HTT: variants seen among roughly 807,000 people sequenced by gnomAD.
The protein encoded by HTT is huntingtin, also known as huntington disease protein.
A neutral mutation model predicts 362.3 loss-of-function variants in HTT; 104 were observed. The observed-to-expected ratio is 0.29, with a 90% confidence interval of 0.24 to 0.34. The LOEUF (loss-of-function observed/expected upper bound fraction) is 0.34, where lower values mean the gene tolerates loss of function less well. Among genes scored for constraint, HTT ranks in the 10% least tolerant of loss-of-function variants. The probability of loss-of-function intolerance (pLI) is 1.00; values close to 1 mark genes in which losing one functional copy is unlikely to be tolerated. For missense variants in HTT, 3,301 were observed against 3,928.6 expected (o/e 0.84, Z 4.27); for synonymous variants, 1,577 against 1,548.7 (o/e 1.02, Z -0.43).
At position 3,134,410 on chromosome 4, in the gene HTT, A is replaced by G. The variant is rs765575039; in HGVS notation, c.2503A>G (p.Met835Val). ...GGACCTTGTGTTCCAGAACTGTGTCATGAGTCTCTGCAGCAGCAGCTACAG... is the reference window on the plus strand; with the variant it reads ...GGACCTTGTGTTCCAGAACTGTGTCGTGAGTCTCTGCAGCAGCAGCTACAG... ...LACTAVRNCV[M>V]SLCSSSYSEL... The change falls in exon 19 of 67, where the codon ATG (methionine) becomes GTG (valine). Residue 835 changes from methionine to valine, a missense_variant. Physicochemically the swap from Met to Val is conservative, Grantham distance 21. This residue lies in a region of HTT where 2,316 missense variants were observed against 2,658.5 expected (regional missense o/e 0.87). Coordinates refer to ENST00000355072, the MANE Select transcript of HTT (RefSeq NM_001388492.1). 6 of 1,613,810 alleles carry G rather than the reference A, an allele frequency of 3.7e-6. No individual in the cohort carries two copies. Among genetic ancestry groups the G allele is most frequent in the Non-Finnish European group, 3.4e-6 (4 of 1,179,832 alleles).
chr4:3,174,621 G>A, intron 31 of HTT, 100 bp from the exon 32 acceptor site: 1 of 880,128 alleles, frequency 1.1e-6, no homozygotes, highest in South Asian at 1.5e-5. Context: ...TTCTGATCGT[G>A]TGAATGTGAA....
chr4:3,222,791 G>A (rs1444399231), intron 54 of HTT, among the ~76,000 whole-genome samples: 1 of 152,144 alleles, frequency 6.6e-6, no homozygotes, highest in Non-Finnish European at 1.5e-5. Context: ...GAGGAGTGTA[G>A]GTTGAATTAA....
intron 2 of HTT, among the ~76,000 whole-genome samples, chr4:3,092,725 G>C (rs1034534669): frequency 2.0e-5 from 3 of 152,182 alleles, no homozygotes; most frequent in Non-Finnish European, 4.4e-5. Context: ...TTAACAATGT[G>C]TTAAAAAATT....
intron 29 of HTT, among the ~76,000 whole-genome samples, chr4:3,170,146 A>T (rs780340197): frequency 6.6e-6 from 1 of 151,654 alleles, no homozygotes; most frequent in African/African-American, 2.4e-5. Context: ...TGTGAATTTT[A>T]CTTTGTTGGA....
intron 26 of HTT, among the ~76,000 whole-genome samples, chr4:3,151,734 T>C (rs918946512): frequency 2.6e-5 from 4 of 152,172 alleles, no homozygotes; most frequent in Admixed American, 1.3e-4. Flanking sequence ...GGAAAAATTG[T>C]CTTCCACAGA....
At position 3,148,053 on chromosome 4, in the gene HTT, C is replaced by G. The variant is rs1065747; in HGVS notation, c.3344C>G (p.Ala1115Gly). ...AGTTCATGGGCCTCTGAAGAAGAAG[C>G]CAACCCAGCAGCCACCAAGCAAGAG... Reference protein sequence around the residue: ...LRSSWASEEEANPAATKQEEV... With the variant: ...LRSSWASEEEGNPAATKQEEV... Residue 1115 changes from alanine (A) to glycine (G), a missense_variant, in exon 26 of 67, where the codon GCC becomes GGC. By Grantham distance (60) the Ala-to-Gly change is moderately conservative. Coordinates refer to ENST00000355072, the MANE Select transcript of HTT (RefSeq NM_001388492.1). The G allele has an allele frequency of 1.3e-3, 2,034 of 1,614,072 alleles. 3 individuals carry two copies. The highest frequency in any genetic ancestry group is 1.5e-3 in the Non-Finnish European group (1,778 of 1,179,976).
chr4:3,165,056 G>T (rs1717631484), intron 29 of HTT, among the ~76,000 whole-genome samples: 1 of 152,158 alleles, frequency 6.6e-6, no homozygotes, highest in Non-Finnish European at 1.5e-5. Context: ...GCAGTGGCTG[G>T]TACTGGTTGT....
At chr4:3,104,179 C>T (rs1447805865) in intron 4 of HTT, among the ~76,000 whole-genome samples, 1 of 152,020 alleles carries the variant, frequency 6.6e-6, no homozygotes, top group Non-Finnish European at 1.5e-5. Context: ...CTCACTGCAA[C>T]CTCCGCCTCC....
chr4:3,145,686 G>A (rs1441301077), intron 24 of HTT, among the ~76,000 whole-genome samples: 2 of 152,156 alleles, frequency 1.3e-5, no homozygotes, highest in African/African-American at 4.8e-5. Context: ...CTAGCATCTG[G>A]GAAATAATTT....
At chr4:3,210,588 G>A (rs563496787) in intron 47 of HTT, among the ~76,000 whole-genome samples, 8 of 149,384 alleles carry the variant, frequency 5.4e-5, no homozygotes, top group African/African-American at 2.0e-4. Context: ...TCCCTCACCC[G>A]TGGGCAGGTC....
chr4:3,088,338 C>T (rs1317578801), intron 2 of HTT, among the ~76,000 whole-genome samples: 1 of 151,974 alleles, frequency 6.6e-6, no homozygotes, highest in Non-Finnish European at 1.5e-5. Context: ...AGGTGCTCGC[C>T]ACCACACCCG....
intron 18 of HTT, among the ~76,000 whole-genome samples, chr4:3,133,941 G>C (rs1272944692): frequency 2.0e-5 from 3 of 152,118 alleles, no homozygotes; most frequent in Non-Finnish European, 4.4e-5. Context: ...GGGTGCTTGG[G>C]GCTGCAGGGG....
At chr4:3,171,790 T>G (rs925940410) in intron 29 of HTT, among the ~76,000 whole-genome samples, 2 of 152,252 alleles carry the variant, frequency 1.3e-5, no homozygotes, top group Non-Finnish European at 2.9e-5. Context: ...TCTTGATTCT[T>G]GAAAAGGACA....
Position 3,145,220 on chromosome 4 carries a change from G to T in HTT, c.3135G>T (p.Trp1045Cys), listed in dbSNP as rs2110202874. The T allele has an allele frequency of 3.1e-6, 5 of 1,608,730 alleles. No homozygotes were observed. The highest frequency in any genetic ancestry group is 4.3e-6 in the Non-Finnish European group (5 of 1,175,102). Residue 1045 changes from tryptophan to cysteine, a missense_variant, in exon 24 of 67, where the codon TGG (tryptophan) becomes TGT (cysteine). This residue lies in a region of HTT where 2,316 missense variants were observed against 2,658.5 expected (regional missense o/e 0.87). Coordinates refer to ENST00000355072, the MANE Select transcript of HTT (RefSeq NM_001388492.1). ...CAGTTTGCATTTGGAGTTTAGGTTG[G>T]CACTGTGGGTATGTATTTTCCTCAG... ...AFPVCIWSLG[W>C]HCGVPPLSAS...
At chr4:3,103,277 T>C (rs1714253286) in intron 3 of HTT, among the ~76,000 whole-genome samples, 1 of 139,664 alleles carries the variant, frequency 7.2e-6, no homozygotes, top group African/African-American at 2.7e-5. Context: ...CAGGCTGGAG[T>C]GCAATGGCGT....
chr4:3,116,172 A>T lies in HTT; in HGVS notation c.977A>T (p.Gln326Leu), dbSNP rs781707187. The T allele has an allele frequency of 1.2e-6, 2 of 1,613,892 alleles. No individual in the cohort carries two copies. Among genetic ancestry groups the T allele is most frequent in the Non-Finnish European group, 1.7e-6 (2 of 1,179,780 alleles). ...LTLRYLVPLL[Q>L]QQVKDTSLKG... ...CTGAGGTATTTGGTGCCCTTGCTGC[A>T]GCAGCAGGTCAAGGACACAAGCCTG... is the stretch of plus-strand genomic sequence containing the variant. Residue 326 changes from glutamine to leucine, a missense_variant, in exon 8 of 67, where the codon CAG (glutamine) becomes CTG (leucine). Around this residue, in one of 4 missense-constraint regions of HTT, gnomAD observed 2,316 missense variants for 2,658.5 expected, o/e 0.87. Transcript: ENST00000355072.
At chr4:3,226,462 C>T (rs1047446429) in intron 57 of HTT, among the ~76,000 whole-genome samples, 17 of 152,134 alleles carry the variant, frequency 1.1e-4, no homozygotes, top group Non-Finnish European at 1.8e-4. Flanking sequence ...CAGACCAGTA[C>T]TCTGTCCCTT....
chr4:3,130,181 A>G (rs1416873353), intron 13 of HTT, 124 bp from the exon 14 acceptor site: 12 of 1,076,462 alleles, frequency 1.1e-5, no homozygotes, highest in East Asian at 2.4e-5. Flanking sequence ...AAAATGACCA[A>G]TTGAGGAATA....
At chr4:3,237,818 C>G (rs910230224) in intron 64 of HTT, among the ~76,000 whole-genome samples, 1 of 152,136 alleles carries the variant, frequency 6.6e-6, no homozygotes, top group African/African-American at 2.4e-5. Flanking sequence ...GAAAGGGATA[C>G]TGCTCAGGGG....
Sources: allele counts gnomAD v4.1 joint callset (sites outside exome capture counted in the v4.1 genomes callset), GRCh38; gene constraint gnomAD v4.1.1; regional missense constraint gnomAD v4.1.1; transcripts MANE v1.5; gene names NCBI Gene and HGNC (gene_info 2026-07-23, HGNC 2026-07-21).